Variants in NR3C1 observed in about 807,000 individuals in gnomAD.
NR3C1 encodes nuclear receptor subfamily 3 group C member 1.
NR3C1 carries 14 observed loss-of-function variants against 74.0 expected under a neutral mutation model. That is an observed-to-expected ratio of 0.19 (90% CI 0.12 to 0.30). The LOEUF is 0.30. Ranked by LOEUF, NR3C1 falls within the 10% of genes least tolerant of loss-of-function variation. NR3C1 has a pLI of 1.00. For synonymous variants in NR3C1, 308 were observed against 332.5 expected, an observed-to-expected ratio of 0.93 and a Z score of 0.80; for missense variants, 695 against 909.8, an observed-to-expected ratio of 0.76 and a Z score of 3.04.
chr5:143,434,824 G>A (rs1015565917), exon 1 of NR3C1: 17 of 985,274 alleles, frequency 1.7e-5, no homozygotes, highest in Non-Finnish European at 1.9e-5. Flanking sequence ...TAGATATGAC[G>A]CAGATTCCTT....
intron 5 of NR3C1, among the ~76,000 whole-genome samples, chr5:143,299,587 G>C (rs62375499): frequency 0.16 from 24,288 of 152,130 alleles, 2,368 homozygotes; most frequent in Middle Eastern, 0.26. Flanking sequence ...TTTCAAAATA[G>C]CTAAAAGAGA....
In NR3C1 at chr5:143,357,988, A is replaced by G. The variant is rs572981840; in HGVS notation, c.1184+41668T>C. 2.0e-4 allele frequency among the ~76,000 whole-genome samples: 31 copies of G among 152,364 alleles called. No individual in the cohort carries two copies. The South Asian group carries it at 6.4e-3, about 32-fold the overall frequency. On this transcript the variant is annotated intron_variant, in intron 2 of 8. Coordinates refer to ENST00000394464, the MANE Select transcript of NR3C1 (RefSeq NM_000176.3). Reference sequence around the variant, plus strand: ...CGTAAGCACTTGAGTGAACGAATAAATACTAAATACTTGATCAAGCCAAAC... The same window carrying G: ...CGTAAGCACTTGAGTGAACGAATAAGTACTAAATACTTGATCAAGCCAAAC...
chr5:143,371,460 T>C (rs928875382), intron 2 of NR3C1, among the ~76,000 whole-genome samples: 3 of 152,254 alleles, frequency 2.0e-5, no homozygotes, highest in Non-Finnish European at 1.5e-5. Context: ...TGGCTTTTTC[T>C]TTCCAGTCCT....
rs1352600106 is a variant in NR3C1 at position 143,400,007 on chromosome 5, G to C, written c.833C>G (p.Thr278Arg). 1 of 1,614,112 alleles carries C rather than the reference G, an allele frequency of 6.2e-7. No homozygotes were observed. The highest frequency in any genetic ancestry group is 2.2e-5 in the East Asian group (1 of 44,884). The change falls in exon 2 of 9, where the codon ACA (threonine) becomes AGA (arginine). Residue 278 changes from threonine to arginine, a missense_variant. Physicochemically the swap from Thr to Arg is moderately conservative, Grantham distance 71 (BLOSUM62 -1). This residue lies in a region of NR3C1 where 497 missense variants were observed against 489.5 expected (regional missense o/e 1.02). Coordinates refer to ENST00000394464, the MANE Select transcript of NR3C1 (RefSeq NM_000176.3). ...GAGTTCGATGAAATCTTCTTTTTCT[G>C]TTTTCACTTGGGGCAGTGTTACATT... The part of the protein sequence containing the change: ...PSNVTLPQVK[T>R]EKEDFIELCT...
upstream of NR3C1, among the ~76,000 whole-genome samples, chr5:143,406,236 C>A (rs1449817101): frequency 6.6e-6 from 1 of 151,862 alleles, no homozygotes; most frequent in African/African-American, 2.4e-5. Flanking sequence ...CTCTAAGAAT[C>A]CACCTCATCG....
In NR3C1 at chr5:143,360,742, A is replaced by G. The variant is rs191609917; in HGVS notation, c.1184+38914T>C. On this transcript the variant is annotated intron_variant, in intron 2 of 8. Coordinates refer to ENST00000394464, the MANE Select transcript of NR3C1 (RefSeq NM_000176.3). Reference sequence around the variant, plus strand: ...ATTAAGGACACTGTTCCACCTAATGATGTTTCCGGGGTTTCTGGTATCTCA... The same window carrying G: ...ATTAAGGACACTGTTCCACCTAATGGTGTTTCCGGGGTTTCTGGTATCTCA... Among the ~76,000 whole-genome samples, 412 of 152,310 alleles carry G rather than the reference A, an allele frequency of 2.7e-3. No individual in the cohort carries two copies. In the Middle Eastern group the frequency reaches 0.027, roughly 10 times the overall value.
intron 1 of NR3C1, among the ~76,000 whole-genome samples, chr5:143,414,005 G>A (rs1841395985): frequency 6.6e-6 from 1 of 152,130 alleles, no homozygotes; most frequent in Non-Finnish European, 1.5e-5. Context: ...TAAGAGAATA[G>A]ACATGACTTA....
intron 2 of NR3C1, among the ~76,000 whole-genome samples, chr5:143,381,921 C>CA (rs1836320936): frequency 2.0e-5 from 3 of 152,074 alleles, no homozygotes; most frequent in Admixed American, 2.0e-4. Flanking sequence ...CAAAAATGGA[C>CA]AAATGGGATC....
chr5:143,434,661 TC>T, exon 1 of NR3C1: 1 of 985,402 alleles, frequency 1.0e-6, no homozygotes, highest in Non-Finnish European at 1.2e-6. Context: ...ATTTTGTTCC[TC>T]CCCATTCTCG....
At chr5:143,294,669 C>T (rs1376986913) in intron 7 of NR3C1, among the ~76,000 whole-genome samples, 2 of 152,090 alleles carry the variant, frequency 1.3e-5, no homozygotes, top group Non-Finnish European at 1.5e-5. Context: ...CCCTGGCAAC[C>T]GCTGATTTTT....
At chr5:143,287,540 C>A (rs1027315275) in intron 7 of NR3C1, among the ~76,000 whole-genome samples, 1 of 152,160 alleles carries the variant, frequency 6.6e-6, no homozygotes, top group Admixed American at 6.5e-5. Flanking sequence ...TGAAAGAAAA[C>A]ACAGACCCAG....
intron 2 of NR3C1, among the ~76,000 whole-genome samples, chr5:143,385,569 C>T (rs905561332): frequency 5.3e-5 from 8 of 152,324 alleles, no homozygotes; most frequent in South Asian, 4.1e-4. Context: ...TCTTCTGCCA[C>T]GAACTCTAAA....
chr5:143,288,892 G>T (rs1815197976), intron 7 of NR3C1, among the ~76,000 whole-genome samples: 1 of 151,966 alleles, frequency 6.6e-6, no homozygotes, highest in African/African-American at 2.4e-5. Flanking sequence ...GATCACCTGA[G>T]GTCAGGGTTT....
At chr5:143,424,204 T>C (rs1042098797) in intron 1 of NR3C1, among the ~76,000 whole-genome samples, 3 of 122,756 alleles carry the variant, frequency 2.4e-5, no homozygotes, top group Non-Finnish European at 3.6e-5. Context: ...CTAAAACTTA[T>C]AGTATAATAA....
intron 4 of NR3C1, among the ~76,000 whole-genome samples, chr5:143,307,034 C>T (rs979462256): frequency 2.0e-5 from 3 of 151,622 alleles, no homozygotes; most frequent in Non-Finnish European, 1.5e-5. Context: ...GTAGCTGGGA[C>T]TACAGGCGCC....
intron 6 of NR3C1, among the ~76,000 whole-genome samples, chr5:143,296,276 A>ATT (rs199808389): frequency 7.5e-5 from 11 of 146,376 alleles, no homozygotes; most frequent in South Asian, 4.3e-4. Flanking sequence ...ATGCTTCAAG[A>ATT]TTTTTTTTTT....
intron 2 of NR3C1, among the ~76,000 whole-genome samples, chr5:143,363,581 TAA>T (rs59059232): frequency 3.9e-4 from 58 of 149,460 alleles, no homozygotes; most frequent in African/African-American, 1.2e-3. Context: ...TCCAAAAAAA[TAA>T]AAAAAAAAAG....
intron 4 of NR3C1, among the ~76,000 whole-genome samples, chr5:143,306,419 A>C (rs868746325): frequency 1.3e-5 from 2 of 152,354 alleles, no homozygotes; most frequent in Non-Finnish European, 1.5e-5. Flanking sequence ...GGTCTGCCAA[A>C]GATTCCTGGC....
chr5:143,420,646 C>T (rs1446347840), intron 1 of NR3C1, among the ~76,000 whole-genome samples: 3 of 152,136 alleles, frequency 2.0e-5, no homozygotes, highest in Non-Finnish European at 2.9e-5. Flanking sequence ...ATCTTATTGG[C>T]ATCTAGTGGG....
Sources: allele counts gnomAD v4.1 joint callset (sites outside exome capture counted in the v4.1 genomes callset), GRCh38; gene constraint gnomAD v4.1.1; regional missense constraint gnomAD v4.1.1; transcripts MANE v1.5; gene names NCBI Gene and HGNC (gene_info 2026-07-23, HGNC 2026-07-21).